PTH2R: variants seen among roughly 807,000 people sequenced by gnomAD.
PTH2R encodes parathyroid hormone 2 receptor.
In PTH2R, 59 loss-of-function variants were observed where a neutral mutation model predicts 60.3. That is an observed-to-expected ratio of 0.98 (90% confidence interval 0.79 to 1.22). PTH2R has a LOEUF of 1.22. PTH2R is among the 50% of genes most tolerant of loss of function. The pLI is 0.00. For synonymous variants in PTH2R, 256 were observed against 243.8 expected (o/e 1.05, Z -0.47); for missense variants, 749 against 682.6 (o/e 1.10, Z -1.08).
intron 1 of PTH2R, among the ~76,000 whole-genome samples, chr2:208,382,327 G>T (rs767392756): frequency 6.6e-6 from 1 of 152,074 alleles, no homozygotes; most frequent in Non-Finnish European, 1.5e-5. Context: ...AAATATACGG[G>T]AGTGGAATTG....
At chr2:208,490,538 T>C in intron 11 of PTH2R, 101 bp from the exon 12 acceptor site, 4 of 1,017,090 alleles carry the variant, frequency 3.9e-6, no homozygotes, top group Non-Finnish European at 5.9e-6. Flanking sequence ...TCTGAAGGAA[T>C]CATAAAAAAC....
At chr2:208,413,615 G>T (rs774797980) in intron 1 of PTH2R, among the ~76,000 whole-genome samples, 2 of 152,178 alleles carry the variant, frequency 1.3e-5, no homozygotes, top group African/African-American at 2.4e-5. Context: ...CATATGGAAT[G>T]TAAAATATTG....
intron 10 of PTH2R, among the ~76,000 whole-genome samples, chr2:208,484,182 T>G (rs1259523408): frequency 6.6e-6 from 1 of 152,212 alleles, no homozygotes; most frequent in Non-Finnish European, 1.5e-5. Context: ...CATACTACTA[T>G]GAAAAACAGA....
intron 1 of PTH2R, among the ~76,000 whole-genome samples, chr2:208,412,835 T>G (rs1277447611): frequency 6.6e-6 from 1 of 152,212 alleles, no homozygotes; most frequent in African/African-American, 2.4e-5. Context: ...AAGCAGAAAC[T>G]ACCCACATTT....
intron 10 of PTH2R, among the ~76,000 whole-genome samples, chr2:208,483,529 C>T (rs1574914048): frequency 1.3e-5 from 2 of 152,208 alleles, no homozygotes; most frequent in African/African-American, 4.8e-5. Flanking sequence ...GGTGGCCTAT[C>T]TTTAAAAATG....
chr2:208,397,485 GAC>G (rs1048369728), intron 1 of PTH2R, among the ~76,000 whole-genome samples: 4 of 152,236 alleles, frequency 2.6e-5, no homozygotes, highest in Middle Eastern at 3.4e-3. Flanking sequence ...TGAATAAAAC[GAC>G]ACAGACACAT....
chr2:208,420,992 T>A (rs1257782171), intron 1 of PTH2R, among the ~76,000 whole-genome samples: 2 of 152,206 alleles, frequency 1.3e-5, no homozygotes, highest in African/African-American at 4.8e-5. Context: ...TCTGTAATCA[T>A]TATATGACTC....
chr2:208,454,359 C>A (rs1472615789), intron 8 of PTH2R, among the ~76,000 whole-genome samples: 1 of 151,952 alleles, frequency 6.6e-6, no homozygotes, highest in African/African-American at 2.4e-5. Context: ...CTATAAGGAC[C>A]TAATTAGGGT....
chr2:208,449,809 A>T (rs1702366509), intron 7 of PTH2R, among the ~76,000 whole-genome samples: 1 of 152,206 alleles, frequency 6.6e-6, no homozygotes, highest in Non-Finnish European at 1.5e-5. Flanking sequence ...AAGAATTTAA[A>T]GTTATGCTTG....
At chr2:208,467,701 C>T (rs1702784262) in intron 9 of PTH2R, among the ~76,000 whole-genome samples, 1 of 152,096 alleles carries the variant, frequency 6.6e-6, no homozygotes, top group South Asian at 2.1e-4. Context: ...TAGGTGCCTA[C>T]AGAAGTTAAG....
intron 2 of PTH2R, among the ~76,000 whole-genome samples, chr2:208,431,992 G>T (rs1434563673): frequency 1.3e-5 from 2 of 152,174 alleles, no homozygotes; most frequent in Non-Finnish European, 2.9e-5. Flanking sequence ...TTTCTGAATG[G>T]CTAGTCTAAT....
chr2:208,382,601 C>T (rs917523975), intron 1 of PTH2R, among the ~76,000 whole-genome samples: 16 of 152,144 alleles, frequency 1.1e-4, no homozygotes, highest in African/African-American at 2.9e-4. Flanking sequence ...TCCTATCCCA[C>T]GTCATTTCTG....
chr2:208,439,611 A>G (rs1274646853), intron 4 of PTH2R, among the ~76,000 whole-genome samples: 1 of 151,882 alleles, frequency 6.6e-6, no homozygotes, highest in African/African-American at 2.4e-5. Context: ...TTTGAGCACT[A>G]TTTTTTTCTC....
At chr2:208,401,181 G>C (rs1702533352) in intron 1 of PTH2R, among the ~76,000 whole-genome samples, 1 of 152,166 alleles carries the variant, frequency 6.6e-6, no homozygotes, top group South Asian at 2.1e-4. Flanking sequence ...TTTCTTCGCA[G>C]TCTCTTCTTC....
chr2:208,425,590 C>G lies in PTH2R; in HGVS notation c.76-2611C>G, dbSNP rs1377643686. Among the ~76,000 whole-genome samples, 4 of 152,354 alleles carry G rather than the reference C, an allele frequency of 2.6e-5. No homozygotes were observed. In the East Asian group the frequency reaches 7.7e-4, roughly 29 times the overall value. On this transcript the variant is annotated intron_variant, in intron 1 of 12. Transcript: ENST00000272847. The stretch of plus-strand genomic sequence containing the variant: ...TCTGCAAGGAATAGTACCTCTGCTG[C>G]TGCTGTATACTGTCACTTCTATAAA...
intron 4 of PTH2R, among the ~76,000 whole-genome samples, chr2:208,439,742 G>A (rs1304956482): frequency 2.6e-5 from 4 of 152,170 alleles, no homozygotes. Flanking sequence ...TAAAACAGTA[G>A]CATACTGTAG....
At chr2:208,395,945 A>G (rs1701200704) in intron 1 of PTH2R, among the ~76,000 whole-genome samples, 1 of 152,216 alleles carries the variant, frequency 6.6e-6, no homozygotes, top group African/African-American at 2.4e-5. Flanking sequence ...ACAGCATGGT[A>G]CTGGTACCAA....
At chr2:208,430,036 G>T (rs1701938705) in intron 2 of PTH2R, among the ~76,000 whole-genome samples, 1 of 152,084 alleles carries the variant, frequency 6.6e-6, no homozygotes, top group South Asian at 2.1e-4. Flanking sequence ...TGGATTGATT[G>T]AGACATTTTT....
intron 1 of PTH2R, among the ~76,000 whole-genome samples, chr2:208,391,234 C>A (rs547747771): frequency 3.9e-5 from 6 of 152,200 alleles, no homozygotes; most frequent in Middle Eastern, 3.4e-3. Flanking sequence ...AGACGTTTCT[C>A]GATTTAATAG....
Sources: allele counts gnomAD v4.1 joint callset (sites outside exome capture counted in the v4.1 genomes callset), GRCh38; gene constraint gnomAD v4.1.1; transcripts MANE v1.5; gene names NCBI Gene and HGNC (gene_info 2026-07-23, HGNC 2026-07-21).